The following NDNF variants were observed in gnomAD, a reference collection of about 807,000 sequenced individuals.
The protein encoded by NDNF is neuron derived neurotrophic factor.
NDNF carries 16 observed loss-of-function variants against 42.0 expected under a neutral mutation model. The observed-to-expected ratio is 0.38, with a 90% CI of 0.26 to 0.58. NDNF has a LOEUF of 0.58. NDNF is among the 20% of genes least tolerant of loss of function. NDNF has a pLI of 0.67. For missense variants in NDNF, 616 were observed against 666.2 expected (o/e 0.92, Z 0.83); for synonymous variants, 248 against 251.7 (o/e 0.99, Z 0.14).
intron 1 of NDNF, chr4:121,061,510 T>A (rs990786153): frequency 1.3e-5 from 2 of 152,200 alleles, no homozygotes; most frequent in African/African-American, 4.8e-5. Context: ...AGAATAAACA[T>A]ATCATTTCCT....
intron 1 of NDNF, among the ~76,000 whole-genome samples, chr4:121,047,681 G>A (rs985750326): frequency 2.6e-5 from 4 of 152,146 alleles, no homozygotes; most frequent in African/African-American, 9.7e-5. Flanking sequence ...AATTCACCTA[G>A]CCACTCCGGA....
intron 1 of NDNF, among the ~76,000 whole-genome samples, chr4:121,069,863 C>T (rs961734670): frequency 1.3e-5 from 2 of 152,144 alleles, no homozygotes; most frequent in African/African-American, 2.4e-5. Context: ...AGAGTCACTT[C>T]TGAGGAATAA....
chr4:121,052,747 G>C (rs1463375209), intron 1 of NDNF, among the ~76,000 whole-genome samples: 2 of 152,078 alleles, frequency 1.3e-5, no homozygotes, highest in Non-Finnish European at 2.9e-5. Flanking sequence ...ATTCCTTCGA[G>C]GCAAAAATGC....
chr4:121,062,214 C>T (rs1190542979), intron 1 of NDNF, among the ~76,000 whole-genome samples: 3 of 152,118 alleles, frequency 2.0e-5, no homozygotes, highest in Non-Finnish European at 4.4e-5. Flanking sequence ...GCCAAGATGT[C>T]GATTTTAAAA....
chr4:121,052,647 G>A (rs13103315), intron 1 of NDNF, among the ~76,000 whole-genome samples: 68,471 of 152,018 alleles, frequency 0.45, 18,285 homozygotes, highest in Non-Finnish European at 0.59. Flanking sequence ...GGGAAGAGCC[G>A]TGTGTCTGCC....
rs115961342 is a variant in NDNF at position 121,063,838 on chromosome 4, C to T, written c.-2+8155G>A. Among the ~76,000 whole-genome samples the T allele has an allele frequency of 2.0e-3, 298 of 152,172 alleles. 1 individual carries two copies. The highest frequency in any genetic ancestry group is 6.8e-3 in the Middle Eastern group (2 of 294). On this transcript the variant is annotated intron_variant, in intron 1 of 3. Transcript: ENST00000379692. ...ATGGGGATTATTTATCACTGTTAGC[C>T]CTTTGTGCCATTTAGAACTGGTGCT... is the stretch of plus-strand genomic sequence containing the variant.
At position 121,037,402 on chromosome 4, in the gene NDNF, G is replaced by T; in HGVS notation, c.569C>A (p.Thr190Asn). 1.2e-6 allele frequency: 2 copies of T among 1,614,150 alleles called. No homozygotes were observed. Among genetic ancestry groups the T allele is most frequent in the Non-Finnish European group, 8.5e-7 (1 of 1,180,038 alleles). ...TGGTTTCCAGGCCAAAGTGACCGTG[G>T]TGCGCCCCAGTGAGGTCACATCTAC... The part of the protein sequence containing the change: ...PRVDVTSLGR[T>N]TVTLAWKPSP... Residue 190 changes from threonine to asparagine, a missense_variant, in exon 4 of 4, where the codon ACC becomes AAC. Thr to Asn is a moderately conservative substitution (Grantham distance 65). Coordinates refer to ENST00000379692, the MANE Select transcript of NDNF (RefSeq NM_024574.4).
At chr4:121,037,937 T>G in intron 3 of NDNF, 1 of 319,970 alleles carries the variant, frequency 3.1e-6, no homozygotes, top group Non-Finnish European at 5.7e-6. Context: ...GAGACATTAT[T>G]AATCCTAACT....
chr4:121,055,815 A>G (rs960366125), intron 1 of NDNF, among the ~76,000 whole-genome samples: 1 of 152,242 alleles, frequency 6.6e-6, no homozygotes, highest in African/African-American at 2.4e-5. Context: ...ACATACACAC[A>G]CACACACGCA....
chr4:121,039,143 GTGTATATATATA>G (rs746023201), intron 3 of NDNF, among the ~76,000 whole-genome samples: 1 of 37,676 alleles, frequency 2.7e-5, no homozygotes, highest in African/African-American at 4.5e-5. Flanking sequence ...ATATATATAT[GTGTATATATATA>G]TGTATATATA....
At chr4:121,039,741 C>T (rs562514366) in intron 3 of NDNF, among the ~76,000 whole-genome samples, 189 bp downstream of exon 3, 1 of 152,302 alleles carries the variant, frequency 6.6e-6, no homozygotes, top group African/African-American at 2.4e-5. Context: ...TCTCTCCTAA[C>T]CTTTTATTTT....
Position 121,036,076 on chromosome 4 carries a change from G to T in NDNF, c.*188C>A. On this transcript the variant is annotated 3_prime_UTR_variant, in exon 4 of 4. Transcript: ENST00000379692. ...TCAGACACACACTAGGTACCATGGG[G>T]CACGCTAGAACAAGTCTCCTTCAAG... The T allele has an allele frequency of 1.8e-6, 1 of 561,862 alleles. No individual in the cohort carries two copies. The highest frequency in any genetic ancestry group is 3.1e-6 in the Non-Finnish European group (1 of 326,374). 34.8% of individuals were successfully genotyped at this position (561,862 alleles called of 1,614,324 possible). A position where few individuals can be genotyped will look rare whatever the true frequency, so the allele number is the denominator to read the frequency against.
In NDNF at chr4:121,037,588, TAGG is replaced by T. The variant is rs1420895899; in HGVS notation, c.380_382del (p.Ser127del). On this transcript the variant is annotated inframe_deletion, in exon 4 of 4. Transcript: ENST00000379692. ...AAAATACTCAACATCATTGCCTTTG[TAGG>T]AGAATAACTCAGTGCCTTCCTCATT... The T allele has an allele frequency of 1.8e-5, 29 of 1,611,452 alleles. No homozygotes were observed. The highest frequency in any genetic ancestry group is 5.3e-5 in the African/African-American group (4 of 74,932).
At chr4:121,064,921 C>CATT (rs967200127) in intron 1 of NDNF, among the ~76,000 whole-genome samples, 1 of 151,810 alleles carries the variant, frequency 6.6e-6, no homozygotes, top group East Asian at 1.9e-4. Context: ...ATTATAATGT[C>CATT]ATTATTATTA....
intron 1 of NDNF, among the ~76,000 whole-genome samples, chr4:121,065,447 TAA>T (rs1727483926): frequency 6.6e-6 from 1 of 152,018 alleles, no homozygotes; most frequent in African/African-American, 2.4e-5. Context: ...TTCGATTGTT[TAA>T]AAGAGTATCT....
At chr4:121,066,934 C>T (rs1376390132) in intron 1 of NDNF, among the ~76,000 whole-genome samples, 1 of 152,234 alleles carries the variant, frequency 6.6e-6, no homozygotes, top group African/African-American at 2.4e-5. Flanking sequence ...GAAACACTGA[C>T]AGAAACTTGT....
rs1242247639 is a variant in NDNF at position 121,037,673 on chromosome 4, G to GAGA, written c.314-17_314-16insTCT. The GAGA allele has an allele frequency of 5.1e-6, 8 of 1,554,798 alleles. No homozygotes were observed. The highest frequency in any genetic ancestry group is 6.9e-6 in the Non-Finnish European group (8 of 1,157,522). The stretch of plus-strand genomic sequence containing the variant: ...TCCAGATCACCTAGAAAATACAGGA[G>GAGA]AAGCACAGGCTACTGTCAGGGCATA... On this transcript the variant is annotated splice_polypyrimidine_tract_variant and intron_variant, in intron 3 of 3. Coordinates refer to ENST00000379692, the MANE Select transcript of NDNF (RefSeq NM_024574.4).
chr4:121,055,008 TA>T (rs756368658), intron 1 of NDNF, among the ~76,000 whole-genome samples: 12 of 151,750 alleles, frequency 7.9e-5, no homozygotes, highest in African/African-American at 2.9e-4. Context: ...TTTTTTTTTT[TA>T]TTTTTGTATA....
intron 1 of NDNF, among the ~76,000 whole-genome samples, chr4:121,069,316 A>G (rs2148773893): frequency 6.6e-6 from 1 of 152,338 alleles, no homozygotes; most frequent in Middle Eastern, 3.4e-3. Context: ...ACCCAGGACA[A>G]ATAAGCTGAG....
Sources: allele counts gnomAD v4.1 joint callset (sites outside exome capture counted in the v4.1 genomes callset), GRCh38; gene constraint gnomAD v4.1.1; transcripts MANE v1.5; gene names NCBI Gene and HGNC (gene_info 2026-07-23, HGNC 2026-07-21).